SCN4A: variants seen among roughly 807,000 people sequenced by gnomAD.
SCN4A encodes sodium channel protein type 4 subunit alpha.
In SCN4A, 83 loss-of-function variants were observed where a neutral mutation model predicts 162.0. That is an observed-to-expected ratio of 0.51 (90% CI 0.43 to 0.61). SCN4A has a LOEUF of 0.61. Among genes scored for constraint, SCN4A ranks in the 20% least tolerant of loss-of-function variants. SCN4A has a pLI of 0.00. For missense variants in SCN4A, 2,196 were observed against 2,462.5 expected, an observed-to-expected ratio of 0.89 and a Z score of 2.29; for synonymous variants, 944 against 985.1, an observed-to-expected ratio of 0.96 and a Z score of 0.78.
intron 5 of SCN4A, among the ~76,000 whole-genome samples, chr17:63,968,860 G>GTATTTATTT (rs1909535272): frequency 6.6e-6 from 1 of 152,080 alleles, no homozygotes; most frequent in Non-Finnish European, 1.5e-5. Context: ...TATTTATTTA[G>GTATTTATTT]AGAGAGTCTC....
At position 63,966,675 on chromosome 17, in the gene SCN4A, T is replaced by C; in HGVS notation, c.1037-131A>G. The stretch of plus-strand genomic sequence containing the variant: ...ACCAAACGGATGTTCCCTGGCTGCC[T>C]CTTCCCCGTCCTTTAAGGACAGCTC... On this transcript the variant is annotated intron_variant, in intron 6 of 23. Transcript: ENST00000435607. The C allele has an allele frequency of 5.8e-6, 4 of 687,010 alleles. No homozygotes were observed. In the South Asian group the frequency reaches 6.8e-5, roughly 12 times the overall value. The allele number at this position is 687,010 out of a possible 1,614,324, so 42.6% of individuals were successfully genotyped here. A position where few individuals can be genotyped will look rare whatever the true frequency, so the allele number is the denominator to read the frequency against.
intron 13 of SCN4A, among the ~76,000 whole-genome samples, chr17:63,954,111 G>GCCACCCTTGGCCGTCT (rs1908999659): frequency 6.6e-6 from 1 of 152,148 alleles, no homozygotes; most frequent in Non-Finnish European, 1.5e-5. Flanking sequence ...TTGCAGATCC[G>GCCACCCTTGGCCGTCT]CCACCCTTGG....
Position 63,969,167 on chromosome 17 carries a change from C to T in SCN4A, c.704-812G>A, listed in dbSNP as rs574913336. Among the ~76,000 whole-genome samples, 45 of 152,326 alleles carry T rather than the reference C, an allele frequency of 3.0e-4. 1 individual carries two copies. Among genetic ancestry groups the T allele is most frequent in the African/African-American group, 7.0e-4 (29 of 41,582 alleles). On this transcript the variant is annotated intron_variant, in intron 5 of 23. Coordinates refer to ENST00000435607, the MANE Select transcript of SCN4A (RefSeq NM_000334.4). The stretch of plus-strand genomic sequence containing the variant: ...CTATTAAACAAAAACTTTAATCCCA[C>T]GTATCCTTAACATATTTGACCACAG...
intron 5 of SCN4A, among the ~76,000 whole-genome samples, chr17:63,970,703 G>A (rs980157775): frequency 1.3e-5 from 2 of 151,740 alleles, no homozygotes; most frequent in African/African-American, 4.8e-5. Flanking sequence ...GCGTGATCTC[G>A]GCTGACTGCC....
intron 8 of SCN4A, among the ~76,000 whole-genome samples, chr17:63,965,114 G>A (rs1411714321): frequency 2.6e-5 from 4 of 151,726 alleles, no homozygotes; most frequent in African/African-American, 2.4e-5. Context: ...GTGTGATCTC[G>A]GCTCACTGCA....
intron 4 of SCN4A, 104 bp from the exon 5 acceptor site, chr17:63,971,357 T>C: frequency 1.4e-6 from 1 of 709,988 alleles, no homozygotes; most frequent in Non-Finnish European, 2.5e-6. Flanking sequence ...CCCAAGAAAT[T>C]GGGGGTACCA....
chr17:63,961,611 C>T (rs971195578), intron 10 of SCN4A, 180 bp from the exon 11 acceptor site: 21 of 529,824 alleles, frequency 4.0e-5, no homozygotes, highest in Non-Finnish European at 5.8e-5. Context: ...GTCACCTCCC[C>T]TGTAACCTCC....
Position 63,950,430 on chromosome 17 carries a change from C to T in SCN4A, c.2854-902G>A, listed in dbSNP as rs1463477992. On this transcript the variant is annotated intron_variant, in intron 14 of 23. Transcript: ENST00000435607. The surrounding 1 kb of genome is among the most constrained non-coding windows in gnomAD (Gnocchi z 4.6). ...TGTGCTCGCCCTCCTTGAACAAGTCCCCAGGCCCCGGCCCCGGCCCCGGGG... is the reference window on the plus strand; with the variant it reads ...TGTGCTCGCCCTCCTTGAACAAGTCTCCAGGCCCCGGCCCCGGCCCCGGGG... 2.0e-5 allele frequency among the ~76,000 whole-genome samples: 3 copies of T among 152,120 alleles called. No homozygotes were observed. The highest frequency in any genetic ancestry group is 2.9e-5 in the Non-Finnish European group (2 of 68,004).
At chr17:63,964,953 T>C (rs1909392310) in intron 8 of SCN4A, among the ~76,000 whole-genome samples, 1 of 152,220 alleles carries the variant, frequency 6.6e-6, no homozygotes, top group African/African-American at 2.4e-5. Flanking sequence ...TTGGTGAACA[T>C]GGGTTTGGGG....
chr17:63,945,602 T>A lies in SCN4A; in HGVS notation c.3478A>T (p.Ile1160Phe). The change falls in exon 19 of 24, where the codon ATC (isoleucine) becomes TTC (phenylalanine). Residue 1160 changes from isoleucine (I) to phenylalanine (F), a missense_variant. Physicochemically the swap from Ile to Phe is conservative, Grantham distance 21. Transcript: ENST00000435607. The surrounding 1 kb of genome is among the most constrained non-coding windows in gnomAD (Gnocchi z 4.4). ...AGGCAGACAAGCAGCACATTCATGA[T>A]GGAGGGGATGGCGCCTAGGAGGGCG... is the stretch of plus-strand genomic sequence containing the variant. ...VNALLGAIPS[I>F]MNVLLVCLIF... The A allele has an allele frequency of 6.2e-7, 1 of 1,613,954 alleles. No individual in the cohort carries two copies. The highest frequency in any genetic ancestry group is 8.5e-7 in the Non-Finnish European group (1 of 1,179,896).
rs577453030 is a variant in SCN4A, at chr17:63,963,751, G to A, written c.1527C>T (p.Ser509=). The change falls in exon 10 of 24, where the codon AGC becomes AGT. Residue 509 remains serine, a synonymous_variant. Transcript: ENST00000435607. ...CCTTCTCCCCTTGCGATGTGTCCAG[G>A]CTGCCATTGCAGTCTTTGCCATGGG... ...DPAHGKDCNG[S]LDTSQGEKGA... is the part of the protein sequence containing the mutation. 23 of 1,609,890 alleles carry A rather than the reference G, an allele frequency of 1.4e-5. 1 individual carries two copies. In the East Asian group the frequency reaches 4.5e-4, roughly 31 times the overall value.
chr17:63,941,126 G>C lies in SCN4A; in HGVS notation c.5156C>G (p.Thr1719Ser). The change falls in exon 24 of 24, where the codon ACC (threonine) becomes AGC (serine). Residue 1719 changes from threonine to serine, a missense_variant. Coordinates refer to ENST00000435607, the MANE Select transcript of SCN4A (RefSeq NM_000334.4). This position sits in a 1 kb window ranked among gnomAD's most constrained non-coding sequence, Gnocchi z 6.2. ...NPSKVSYEPI[T>S]TTLKRKHEEV... The stretch of plus-strand genomic sequence containing the variant: ...CTCGTGCTTCCTCTTGAGGGTGGTG[G>C]TGATGGGCTCGTAGGACACCTTGGA... 6.2e-7 allele frequency: 1 copy of C among 1,613,940 alleles called. No individual in the cohort carries two copies. The highest frequency in any genetic ancestry group is 2.2e-5 in the East Asian group (1 of 44,876).
At chr17:63,971,943 T>C in intron 3 of SCN4A, 93 bp from the exon 4 acceptor site, 1 of 1,397,428 alleles carries the variant, frequency 7.2e-7, no homozygotes, top group Non-Finnish European at 1.0e-6. Flanking sequence ...GACACAGAAA[T>C]GAAATATGCC....
intron 12 of SCN4A, 107 bp from the exon 13 acceptor site, chr17:63,957,625 C>T (rs1909113427): frequency 1.4e-6 from 1 of 706,702 alleles, no homozygotes; most frequent in South Asian, 1.8e-5. Flanking sequence ...TCTCCAGCCC[C>T]CCACACCATC....
At chr17:63,952,753 TC>T (rs995483171) in intron 13 of SCN4A, among the ~76,000 whole-genome samples, 3 of 151,690 alleles carry the variant, frequency 2.0e-5, no homozygotes, top group Admixed American at 1.3e-4. Context: ...CTACTGCTGC[TC>T]CCCCCCAGCA....
Position 63,944,517 on chromosome 17 carries a change from T to C in SCN4A, c.3912+156A>G, listed in dbSNP as rs900761226. ...TGGAGGCCAAGCCACTTGTTCAAGGTGGCCTGGTGGGACTGGGACCCAAGC... is the reference window on the plus strand; with the variant it reads ...TGGAGGCCAAGCCACTTGTTCAAGGCGGCCTGGTGGGACTGGGACCCAAGC... On this transcript the variant is annotated intron_variant, in intron 21 of 23. Coordinates refer to ENST00000435607, the MANE Select transcript of SCN4A (RefSeq NM_000334.4). This position sits in a 1 kb window ranked among gnomAD's most constrained non-coding sequence, Gnocchi z 4.3. Among the ~76,000 whole-genome samples the C allele has an allele frequency of 2.6e-5, 4 of 152,098 alleles. No homozygotes were observed. The highest frequency in any genetic ancestry group is 9.7e-5 in the African/African-American group (4 of 41,420).
chr17:63,971,274 G>T lies in SCN4A; in HGVS notation c.612-21C>A, dbSNP rs535811879. On this transcript the variant is annotated intron_variant, in intron 4 of 23. Transcript: ENST00000435607. ...GGTACCTGGGTAGGGGGTGGAGGGGGGTGGGGACTGTCAGAGCCTGGGGTG... is the reference window on the plus strand; with the variant it reads ...GGTACCTGGGTAGGGGGTGGAGGGGTGTGGGGACTGTCAGAGCCTGGGGTG... 183 of 1,383,004 alleles carry T rather than the reference G, an allele frequency of 1.3e-4. No individual in the cohort carries two copies. The African/African-American group carries it at 2.4e-3, about 18-fold the overall frequency. 85.7% of individuals were successfully genotyped at this position (1,383,004 alleles called of 1,614,324 possible). A position where few individuals can be genotyped will look rare whatever the true frequency, so the allele number is the denominator to read the frequency against.
Position 63,961,671 on chromosome 17 carries a change from C to T in SCN4A, c.1607-240G>A, listed in dbSNP as rs528459480. 979 of 520,438 alleles carry T rather than the reference C, an allele frequency of 1.9e-3. 5 individuals carry two copies. Among genetic ancestry groups the T allele is most frequent in the Non-Finnish European group, 2.6e-3 (740 of 288,486 alleles). 32.2% of individuals were successfully genotyped at this position (520,438 alleles called of 1,614,324 possible). A position where few individuals can be genotyped will look rare whatever the true frequency, so the allele number is the denominator to read the frequency against. ...CCCCGCGCTCTGAGCGCGGCCGGCT[C>T]CAAGCTCCACCGCCTCAGTGAGCAC... is the stretch of plus-strand genomic sequence containing the variant. On this transcript the variant is annotated intron_variant, in intron 10 of 23. Coordinates refer to ENST00000435607, the MANE Select transcript of SCN4A (RefSeq NM_000334.4).
rs1311457198 is a variant in SCN4A, at chr17:63,947,145, GCCA to G, written c.3338_3340del (p.Val1113del). On this transcript the variant is annotated inframe_deletion, in exon 18 of 24. Coordinates refer to ENST00000435607, the MANE Select transcript of SCN4A (RefSeq NM_000334.4). ...CAGCTCCGAGTAGCCCAGCCAGTTG[GCCA>G]CCAAGCTGATGATGGAGACCTGCAG... 8 of 1,613,492 alleles carry G rather than the reference GCCA, an allele frequency of 5.0e-6. No individual in the cohort carries two copies. Among genetic ancestry groups the G allele is most frequent in the Non-Finnish European group, 6.8e-6 (8 of 1,179,778 alleles).
Sources: gnomAD v4.1 joint callset for allele counts (sites outside exome capture counted in the v4.1 genomes callset) on GRCh38, gnomAD v4.1.1 for gene constraint, Gnocchi (gnomAD v3.1) non-coding constraint, MANE v1.5 for transcripts, NCBI Gene and HGNC (gene_info 2026-07-23, HGNC 2026-07-21) for gene names.